The following MAST4 variants were observed in gnomAD, a reference collection of about 807,000 sequenced individuals.
The protein encoded by MAST4 is microtubule-associated serine/threonine-protein kinase 4.
A neutral mutation model predicts 162.7 loss-of-function variants in MAST4; 89 were observed. The ratio of observed to expected loss-of-function variants is 0.55; its 90% CI spans 0.46 to 0.65. The LOEUF (loss-of-function observed/expected upper bound fraction) is 0.65. Ranked by LOEUF, MAST4 falls within the 30% of genes least tolerant of loss-of-function variation. The pLI, the probability that MAST4 is intolerant of heterozygous loss-of-function variation, is 0.00. For missense variants in MAST4, 3,153 were observed against 3,374.0 expected (o/e 0.93, Z 1.62); for synonymous variants, 1,479 against 1,361.1 (o/e 1.09, Z -1.91).
intron 1 of MAST4, among the ~76,000 whole-genome samples, chr5:66,679,201 C>T (rs1005517384): frequency 6.6e-6 from 1 of 152,096 alleles, no homozygotes; most frequent in Non-Finnish European, 1.5e-5. Flanking sequence ...AGCCTGGAGG[C>T]AGAGGGGATA....
chr5:67,078,939 T>TATATA (rs1762264378), intron 5 of MAST4, among the ~76,000 whole-genome samples: 1 of 97,186 alleles, frequency 1.0e-5, no homozygotes, highest in Non-Finnish European at 1.8e-5. Context: ...TATATATATA[T>TATATA]ATATATATAT....
intron 4 of MAST4, among the ~76,000 whole-genome samples, chr5:66,918,413 T>C (rs1340486618): frequency 6.6e-6 from 1 of 152,202 alleles, no homozygotes; most frequent in Non-Finnish European, 1.5e-5. Flanking sequence ...ACGTGGACTT[T>C]AGAAATTGTC....
chr5:67,100,489 G>A lies in MAST4; in HGVS notation c.967G>A (p.Asp323Asn). The change falls in exon 8 of 29, where the codon GAC (aspartate) becomes AAC (asparagine). Residue 323 changes from aspartate to asparagine, a missense_variant. Around this residue, in one of 7 missense-constraint regions of MAST4, gnomAD observed 360 missense variants for 450.0 expected, o/e 0.80. Transcript: ENST00000403625. ...TCAGTTACCATACCAACCAACACCA[G>A]ACGAGTTACACTTCTTATCAAAACA... ...LHQLPYQPTP[D>N]ELHFLSKHFC... 6.2e-7 allele frequency: 1 copy of A among 1,613,880 alleles called. No individual in the cohort carries two copies. The highest frequency in any genetic ancestry group is 8.5e-7 in the Non-Finnish European group (1 of 1,179,856).
chr5:66,997,552 C>T (rs1750804968), intron 4 of MAST4, among the ~76,000 whole-genome samples: 1 of 151,914 alleles, frequency 6.6e-6, no homozygotes, highest in African/African-American at 2.4e-5. Context: ...CTGTCTCAGC[C>T]TCCCAACTAG....
intron 13 of MAST4, among the ~76,000 whole-genome samples, 179 bp from the exon 14 acceptor site, chr5:67,120,838 G>A (rs1360341253): frequency 6.6e-6 from 1 of 152,150 alleles, no homozygotes; most frequent in African/African-American, 2.4e-5. Flanking sequence ...GTCACAAGGA[G>A]TTTGTCAGCA....
chr5:66,682,474 T>A (rs541586278), intron 1 of MAST4, among the ~76,000 whole-genome samples: 31 of 152,170 alleles, frequency 2.0e-4, no homozygotes, highest in Non-Finnish European at 2.8e-4. Context: ...TCAGTTGAAT[T>A]AGGGCTCTGG....
chr5:66,953,431 G>C (rs1262875806), intron 4 of MAST4, among the ~76,000 whole-genome samples: 1 of 152,064 alleles, frequency 6.6e-6, no homozygotes, highest in African/African-American at 2.4e-5. Context: ...CAGTGGTGAA[G>C]CTTATTTTGT....
chr5:66,692,060 G>A (rs1749074953), intron 1 of MAST4, among the ~76,000 whole-genome samples: 1 of 152,118 alleles, frequency 6.6e-6, no homozygotes. Flanking sequence ...TTGTTTTTGT[G>A]TAGCTGCAAA....
intron 1 of MAST4, among the ~76,000 whole-genome samples, chr5:66,600,077 T>C (rs1488401622): frequency 6.6e-6 from 1 of 152,268 alleles, no homozygotes; most frequent in Non-Finnish European, 1.5e-5. Flanking sequence ...GAGTTTGACT[T>C]ATTTTTTACT....
chr5:67,101,280 G>A (rs374343992), intron 8 of MAST4, among the ~76,000 whole-genome samples: 30 of 152,300 alleles, frequency 2.0e-4, no homozygotes, highest in African/African-American at 5.3e-4. Context: ...TGGAGAGCTC[G>A]GGAACGACAG....
intron 3 of MAST4, among the ~76,000 whole-genome samples, chr5:66,876,502 T>C (rs1241805723): frequency 6.6e-6 from 1 of 152,152 alleles, no homozygotes; most frequent in Non-Finnish European, 1.5e-5. Context: ...CGAGGTCATG[T>C]GCCCTATTTT....
chr5:67,095,015 T>C (rs1245774599), intron 6 of MAST4, among the ~76,000 whole-genome samples: 1 of 152,182 alleles, frequency 6.6e-6, no homozygotes, highest in Non-Finnish European at 1.5e-5. Context: ...GCAGTAACTC[T>C]TAAGAGATTC....
intron 24 of MAST4, 67 bp from the exon 25 acceptor site, chr5:67,152,570 T>G: frequency 7.6e-7 from 1 of 1,316,232 alleles, no homozygotes; most frequent in Non-Finnish European, 1.1e-6. Context: ...GCTCATGGGG[T>G]GAGGGTTGCC....
intron 4 of MAST4, among the ~76,000 whole-genome samples, chr5:66,946,418 C>A (rs1222689920): frequency 6.6e-6 from 1 of 152,022 alleles, no homozygotes; most frequent in African/African-American, 2.4e-5. Context: ...ATTTTAGTTT[C>A]TTTTCATTTA....
At chr5:66,976,148 A>G (rs1291194761) in intron 4 of MAST4, among the ~76,000 whole-genome samples, 1 of 152,172 alleles carries the variant, frequency 6.6e-6, no homozygotes, top group Non-Finnish European at 1.5e-5. Flanking sequence ...TGCTGTTGCC[A>G]TGTGCATGTA....
intron 1 of MAST4, among the ~76,000 whole-genome samples, chr5:66,733,867 C>T (rs558808863): frequency 3.0e-4 from 45 of 152,150 alleles, no homozygotes; most frequent in African/African-American, 1.1e-3. Context: ...GTGGTATATG[C>T]CTGCTGGATA....
At chr5:66,773,123 G>T (rs979297559) in intron 2 of MAST4, among the ~76,000 whole-genome samples, 3 of 152,166 alleles carry the variant, frequency 2.0e-5, no homozygotes, top group African/African-American at 7.2e-5. Context: ...TAACTTCCCA[G>T]TTGGAAACTG....
At chr5:66,610,733 C>T (rs1743234950) in intron 1 of MAST4, among the ~76,000 whole-genome samples, 1 of 152,204 alleles carries the variant, frequency 6.6e-6, no homozygotes, top group South Asian at 2.1e-4. Context: ...GGGCCCTACC[C>T]TCCTAGGTGT....
chr5:66,623,758 T>A (rs544558990), intron 1 of MAST4, among the ~76,000 whole-genome samples: 2 of 152,228 alleles, frequency 1.3e-5, no homozygotes, highest in East Asian at 3.9e-4. Flanking sequence ...GTACTGGAAG[T>A]CCTAGGCAGA....
Sources: gnomAD v4.1 joint callset for allele counts (sites outside exome capture counted in the v4.1 genomes callset) on GRCh38, gnomAD v4.1.1 for gene constraint, gnomAD v4.1.1 regional missense constraint, MANE v1.5 for transcripts, NCBI Gene and HGNC (gene_info 2026-07-23, HGNC 2026-07-21) for gene names.